SYNE1: variants seen among roughly 807,000 people sequenced by gnomAD.
SYNE1 encodes nesprin-1.
In SYNE1, 616 loss-of-function variants were observed where a neutral mutation model predicts 1,111.0. That is an observed-to-expected ratio of 0.55 (90% confidence interval 0.52 to 0.59). The LOEUF (loss-of-function observed/expected upper bound fraction) is 0.59, where lower values mean the gene tolerates loss of function less well. SYNE1 is among the 20% of genes least tolerant of loss of function. The probability of loss-of-function intolerance (pLI) is 0.00; values close to 1 mark genes in which losing one functional copy is unlikely to be tolerated. For missense variants in SYNE1, 10,006 were observed against 10,417.0 expected (o/e 0.96, Z 1.72); for synonymous variants, 3,855 against 3,825.8 (o/e 1.01, Z -0.28).
intron 4 of SYNE1, among the ~76,000 whole-genome samples, chr6:152,536,023 C>T (rs527524820): frequency 6.6e-6 from 1 of 152,164 alleles, no homozygotes; most frequent in East Asian, 1.9e-4. Flanking sequence ...CTGTCTTCAT[C>T]TCTCTGCTTA....
chr6:152,154,475 C>T (rs1766128563), intron 133 of SYNE1, among the ~76,000 whole-genome samples: 1 of 150,432 alleles, frequency 6.6e-6, no homozygotes, highest in Admixed American at 6.6e-5. Context: ...CACACACACA[C>T]ACACACACAC....
chr6:152,619,647 T>C (rs1242560416), intron 3 of SYNE1, among the ~76,000 whole-genome samples: 2 of 151,986 alleles, frequency 1.3e-5, no homozygotes, highest in East Asian at 3.9e-4. Flanking sequence ...ATAGCAAAGA[T>C]CTAGAGAAAT....
At chr6:152,387,940 T>C (rs2097548928) in intron 53 of SYNE1, among the ~76,000 whole-genome samples, 2 of 152,174 alleles carry the variant, frequency 1.3e-5, no homozygotes, top group Admixed American at 1.3e-4. Flanking sequence ...CAAGTATTTA[T>C]AAGAAAAATA....
chr6:152,172,459 C>G (rs2065448197), intron 130 of SYNE1, among the ~76,000 whole-genome samples: 1 of 152,136 alleles, frequency 6.6e-6, no homozygotes, highest in Admixed American at 6.6e-5. Flanking sequence ...AGAATTTTCT[C>G]TATTAGAAGG....
chr6:152,233,469 C>T (rs1157077064), intron 112 of SYNE1, among the ~76,000 whole-genome samples: 6 of 152,036 alleles, frequency 3.9e-5, no homozygotes, highest in South Asian at 4.1e-4. Flanking sequence ...GGACTACAGG[C>T]GCACACCGCC....
At chr6:152,579,608 T>C (rs2099512639) in intron 3 of SYNE1, among the ~76,000 whole-genome samples, 1 of 152,168 alleles carries the variant, frequency 6.6e-6, no homozygotes, top group South Asian at 2.1e-4. Context: ...ATACAGATTA[T>C]TTTGTCACCC....
intron 93 of SYNE1, among the ~76,000 whole-genome samples, chr6:152,297,470 C>T (rs1329146570): frequency 6.6e-6 from 1 of 152,218 alleles, no homozygotes; most frequent in Non-Finnish European, 1.5e-5. Context: ...CTCACACACA[C>T]TGTAAGCTCC....
At chr6:152,605,065 G>GAA (rs1331908906) in intron 3 of SYNE1, among the ~76,000 whole-genome samples, 4 of 72,720 alleles carry the variant, frequency 5.5e-5, no homozygotes, top group Non-Finnish European at 9.3e-5. Context: ...AGGGAGGGAG[G>GAA]GAGGGAGGAA....
intron 30 of SYNE1, 130 bp from the exon 31 acceptor site, chr6:152,442,375 A>C: frequency 9.6e-7 from 1 of 1,040,086 alleles, no homozygotes; most frequent in Non-Finnish European, 1.5e-6. Flanking sequence ...TAAGATTAAC[A>C]GTTGAAATGG....
At chr6:152,359,187 A>T in intron 65 of SYNE1, 128 bp downstream of exon 65, 1 of 1,354,696 alleles carries the variant, frequency 7.4e-7, no homozygotes, top group Non-Finnish European at 1.0e-6. Context: ...TTAAAATATT[A>T]AAAATTCATT....
rs535563430 is a variant in SYNE1, at chr6:152,271,148, A to C, written c.18574-1862T>G. Among the ~76,000 whole-genome samples, 71 of 152,264 alleles carry C rather than the reference A, an allele frequency of 4.7e-4. No homozygotes were observed. In the Middle Eastern group the frequency reaches 0.01, roughly 22 times the overall value. ...CAGCTCATCCAACCTAACTGCCCACAGAGACCCTTCTCTCGCTCTCCTATT... is the reference window on the plus strand; with the variant it reads ...CAGCTCATCCAACCTAACTGCCCACCGAGACCCTTCTCTCGCTCTCCTATT... On this transcript the variant is annotated intron_variant, in intron 98 of 145. Coordinates refer to ENST00000367255, the MANE Select transcript of SYNE1 (RefSeq NM_182961.4).
chr6:152,574,011 G>A (rs1285373534), intron 3 of SYNE1, among the ~76,000 whole-genome samples: 1 of 152,014 alleles, frequency 6.6e-6, no homozygotes, highest in African/African-American at 2.4e-5. Flanking sequence ...CAAGCTCTGA[G>A]TCATCTCTTT....
At chr6:152,511,263 C>G (rs543871606) in intron 6 of SYNE1, among the ~76,000 whole-genome samples, 160 bp from the exon 7 acceptor site, 1 of 151,962 alleles carries the variant, frequency 6.6e-6, no homozygotes. Context: ...CAAACAAGCA[C>G]AAGGTTTCAG....
chr6:152,508,759 T>C (rs1252507952), intron 8 of SYNE1, among the ~76,000 whole-genome samples: 1 of 152,212 alleles, frequency 6.6e-6, no homozygotes, highest in Non-Finnish European at 1.5e-5. Flanking sequence ...TTATTTCATT[T>C]CTACTTCAGA....
intron 106 of SYNE1, among the ~76,000 whole-genome samples, chr6:152,243,613 G>A (rs1411563410): frequency 1.3e-5 from 2 of 152,186 alleles, no homozygotes; most frequent in African/African-American, 2.4e-5. Flanking sequence ...AGTACAAAGT[G>A]GGGGAGGTGG....
Position 152,236,968 on chromosome 6 carries a change from C to T in SYNE1, c.20068-20G>A, listed in dbSNP as rs769554267. 41 of 1,607,424 alleles carry T rather than the reference C, an allele frequency of 2.6e-5. No individual in the cohort carries two copies. The Admixed American group carries it at 7.1e-4, about 28-fold the overall frequency. The stretch of plus-strand genomic sequence containing the variant: ...CCACGTCTAGAAACACAACATGAGT[C>T]TGTGAGCTAAAAAAACCCTCATTAG... On this transcript the variant is annotated intron_variant, in intron 108 of 145. Coordinates refer to ENST00000367255, the MANE Select transcript of SYNE1 (RefSeq NM_182961.4).
intron 3 of SYNE1, among the ~76,000 whole-genome samples, chr6:152,566,985 CTGTGTG>C (rs59526151): frequency 0.34 from 49,172 of 146,394 alleles, 8,547 homozygotes; most frequent in East Asian, 0.43. Context: ...TCTTCACATA[CTGTGTG>C]TGTGTGTGTG....
chr6:152,215,226 A>T (rs966563170), intron 121 of SYNE1, among the ~76,000 whole-genome samples, 166 bp from the exon 122 acceptor site: 1 of 152,222 alleles, frequency 6.6e-6, no homozygotes, highest in Non-Finnish European at 1.5e-5. Context: ...AATAGCGAAA[A>T]GCCAAATCTA....
chr6:152,182,149 A>G (rs928337542), intron 128 of SYNE1, among the ~76,000 whole-genome samples: 1 of 152,158 alleles, frequency 6.6e-6, no homozygotes, highest in Non-Finnish European at 1.5e-5. Context: ...TATATATACA[A>G]TGGGCTTGTT....
Sources: allele counts gnomAD v4.1 joint callset (sites outside exome capture counted in the v4.1 genomes callset), GRCh38; gene constraint gnomAD v4.1.1; transcripts MANE v1.5; gene names NCBI Gene and HGNC (gene_info 2026-07-23, HGNC 2026-07-21).